NKIRAS1: variants seen among roughly 807,000 people sequenced by gnomAD.
NKIRAS1 encodes NF-kappa-B inhibitor-interacting Ras-like protein 1.
In NKIRAS1, 16 loss-of-function variants were observed where a neutral mutation model predicts 19.8. The ratio of observed to expected loss-of-function variants is 0.81; its 90% confidence interval spans 0.55 to 1.23. The LOEUF is 1.23. NKIRAS1 is among the 50% of genes most tolerant of loss of function. The pLI, the probability that NKIRAS1 is intolerant of heterozygous loss-of-function variation, is 0.00. For synonymous variants in NKIRAS1, 88 were observed against 79.0 expected (o/e 1.11, Z -0.61); for missense variants, 184 against 220.0 (o/e 0.84, Z 1.04).
chr3:23,933,489 C>T (rs1705347623), intron 1 of NKIRAS1, among the ~76,000 whole-genome samples: 1 of 152,214 alleles, frequency 6.6e-6, no homozygotes. Flanking sequence ...TACTACAATG[C>T]ACAGACAGCA....
At chr3:23,915,082 C>T (rs543656454) in intron 1 of NKIRAS1, among the ~76,000 whole-genome samples, 1 of 152,286 alleles carries the variant, frequency 6.6e-6, no homozygotes, top group South Asian at 2.1e-4. Context: ...TTTACATACT[C>T]ATACAAGAAT....
intron 1 of NKIRAS1, among the ~76,000 whole-genome samples, chr3:23,934,896 G>C (rs969535417): frequency 3.3e-5 from 5 of 150,610 alleles, no homozygotes; most frequent in Admixed American, 3.3e-4. Context: ...TTAATCTATA[G>C]AAGATTGCTT....
rs143225070 is a variant in NKIRAS1 at position 23,890,452 on chromosome 3, T to C, written c.*2643A>G. The C allele has an allele frequency of 4.4e-4, 686 of 1,562,916 alleles. 1 individual carries two copies. The African/African-American group carries it at 8.5e-3, about 19-fold the overall frequency. On this transcript the variant is annotated 3_prime_UTR_variant, in exon 5 of 5. Transcript: ENST00000425478. ...ATCTACCCAAGCTGTCACTATTCGC[T>C]AAAGTTTAAAATGTTCTTTTCCTTT...
intron 3 of NKIRAS1, among the ~76,000 whole-genome samples, chr3:23,907,155 A>G (rs553879822): frequency 6.6e-6 from 1 of 152,234 alleles, no homozygotes; most frequent in Non-Finnish European, 1.5e-5. Context: ...CGGCCTCCCA[A>G]AGTGCTGGGA....
At position 23,890,376 on chromosome 3, in the gene NKIRAS1, G is replaced by C. The variant is rs1701367386; in HGVS notation, c.*2719C>G. 1.4e-6 allele frequency: 1 copy of C among 691,818 alleles called. No individual in the cohort carries two copies. Among genetic ancestry groups the C allele is most frequent in the African/African-American group, 1.8e-5 (1 of 54,274 alleles). The allele number at this position is 691,818 out of a possible 1,614,324, so 42.9% of individuals were successfully genotyped here. ...TTTTGATGGAAAAATATCCAGCATG[G>C]TGGAGTGGTGTTTCGAAGATGGGTT... On this transcript the variant is annotated 3_prime_UTR_variant, in exon 5 of 5. Transcript: ENST00000425478.
chr3:23,893,950 C>G (rs1389102026), intron 4 of NKIRAS1, among the ~76,000 whole-genome samples: 2 of 147,604 alleles, frequency 1.4e-5, no homozygotes, highest in Non-Finnish European at 3.0e-5. Flanking sequence ...TTCAGTTTGG[C>G]TACACTTGAT....
intron 3 of NKIRAS1, among the ~76,000 whole-genome samples, chr3:23,906,809 T>TC (rs1703110704): frequency 6.6e-6 from 1 of 152,176 alleles, no homozygotes; most frequent in South Asian, 2.1e-4. Flanking sequence ...TGGCTATTTT[T>TC]CACTTACATT....
chr3:23,933,612 G>T (rs1705350078), intron 1 of NKIRAS1, among the ~76,000 whole-genome samples: 1 of 152,180 alleles, frequency 6.6e-6, no homozygotes, highest in African/African-American at 2.4e-5. Context: ...TACATGCAAA[G>T]AATTCCTGTG....
At chr3:23,918,652 G>T, upstream of NKIRAS1, 3 of 1,528,940 alleles carry the variant, frequency 2.0e-6, no homozygotes, top group Non-Finnish European at 2.7e-6. Flanking sequence ...CAACTTTTCT[G>T]ATTGTACTTA....
At chr3:23,897,656 T>C (rs901482369) in intron 4 of NKIRAS1, among the ~76,000 whole-genome samples, 28 of 152,152 alleles carry the variant, frequency 1.8e-4, no homozygotes, top group South Asian at 4.1e-4. Context: ...AGCTATTCCC[T>C]CCACCTGGAG....
Position 23,892,052 on chromosome 3 carries a change from A to G in NKIRAS1, c.*1043T>C, listed in dbSNP as rs1348874817. 2 of 152,250 alleles carry G rather than the reference A, an allele frequency of 1.3e-5. No individual in the cohort carries two copies. Among genetic ancestry groups the G allele is most frequent in the Non-Finnish European group, 2.9e-5 (2 of 68,042 alleles). 9.4% of individuals were successfully genotyped at this position (152,250 alleles called of 1,614,324 possible). A position where few individuals can be genotyped will look rare whatever the true frequency, so the allele number is the denominator to read the frequency against. On this transcript the variant is annotated 3_prime_UTR_variant, in exon 5 of 5. Coordinates refer to ENST00000425478, the MANE Select transcript of NKIRAS1 (RefSeq NM_020345.4). The stretch of plus-strand genomic sequence containing the variant: ...GTTCTTCACTAGAGCTCATGAAAAA[A>G]GTATTCCATTTAAGATGTTACAAAT...
In NKIRAS1 at chr3:23,904,035, C is replaced by T. The variant is rs72627073; in HGVS notation, c.95-2986G>A. On this transcript the variant is annotated intron_variant, in intron 3 of 4. Transcript: ENST00000425478. ...CAAAAATTAGCTGGGCACGGTGGTG[C>T]GCACCTGTAATTGCAGCTACTTGGG... Among the ~76,000 whole-genome samples, 905 of 152,088 alleles carry T rather than the reference C, an allele frequency of 6.0e-3. 17 individuals carry two copies. Among genetic ancestry groups the T allele is most frequent in the East Asian group, 0.049 (255 of 5,168 alleles).
chr3:23,941,986 TATTTA>T (rs150232019), intron 1 of NKIRAS1, among the ~76,000 whole-genome samples: 1,489 of 90,760 alleles, frequency 0.016, 29 homozygotes, highest in African/African-American at 0.046. Context: ...TTTATTTATT[TATTTA>T]TTTTTGAGAC....
At position 23,926,632 on chromosome 3, in the gene NKIRAS1, A is replaced by T. The variant is rs571172422; in HGVS notation, c.-139-15182T>A. ...TAGTATTTGTTGCTATAGATATTTT[A>T]ATTGTATAATTACCACTTCCTTTGT... On this transcript the variant is annotated intron_variant, in intron 1 of 4. Transcript: ENST00000421515. The surrounding 1 kb of genome is among the most constrained non-coding windows in gnomAD (Gnocchi z 4.3). 3.3e-5 allele frequency among the ~76,000 whole-genome samples: 5 copies of T among 152,182 alleles called. No homozygotes were observed. Among genetic ancestry groups the T allele is most frequent in the East Asian group, 3.9e-4 (2 of 5,188 alleles).
rs139269328 is a variant in NKIRAS1 at position 23,907,033 on chromosome 3, A to G, written c.94+3778T>C. On this transcript the variant is annotated intron_variant, in intron 3 of 4. Transcript: ENST00000425478. ...CTCAGCCTCCTAGATAGCTGAGATT[A>G]CAGGCACGTGCCACCATGCCCAGCT... is the stretch of plus-strand genomic sequence containing the variant. Among the ~76,000 whole-genome samples the G allele has an allele frequency of 5.7e-3, 865 of 152,092 alleles. 5 individuals are homozygous for G. Among genetic ancestry groups the G allele is most frequent in the Non-Finnish European group, 9.6e-3 (654 of 67,978 alleles).
At chr3:23,937,374 C>T (rs954349551) in intron 1 of NKIRAS1, among the ~76,000 whole-genome samples, 1 of 151,910 alleles carries the variant, frequency 6.6e-6, no homozygotes, top group African/African-American at 2.4e-5. Flanking sequence ...GAAAAGAAAA[C>T]TTAAGAGAAT....
upstream of NKIRAS1, chr3:23,917,824 A>G (rs1021756229): frequency 3.8e-6 from 6 of 1,591,676 alleles, no homozygotes; most frequent in Middle Eastern, 2.2e-4. Context: ...AGCGGATGAT[A>G]TTTAATACAC....
chr3:23,893,068 A>T lies in NKIRAS1; in HGVS notation c.*27T>A. 1 of 1,532,692 alleles carries T rather than the reference A, an allele frequency of 6.5e-7. No homozygotes were observed. The highest frequency in any genetic ancestry group is 1.3e-5 in the South Asian group (1 of 75,512). The allele number at this position is 1,532,692 out of a possible 1,614,324, so 94.9% of individuals were successfully genotyped here. A position where few individuals can be genotyped will look rare whatever the true frequency, so the allele number is the denominator to read the frequency against. ...GACACTTAAAGGCAATCACTATTCA[A>T]CATACAATTGTGGAAATTACTGATT... On this transcript the variant is annotated 3_prime_UTR_variant, in exon 5 of 5. Coordinates refer to ENST00000425478, the MANE Select transcript of NKIRAS1 (RefSeq NM_020345.4).
At chr3:23,940,259 A>G (rs1705470480) in intron 1 of NKIRAS1, among the ~76,000 whole-genome samples, 1 of 151,802 alleles carries the variant, frequency 6.6e-6, no homozygotes, top group Non-Finnish European at 1.5e-5. Flanking sequence ...AGGTGGGAGC[A>G]TCTCGAGCCC....
Sources: allele counts gnomAD v4.1 joint callset (sites outside exome capture counted in the v4.1 genomes callset), GRCh38; gene constraint gnomAD v4.1.1; non-coding constraint Gnocchi (gnomAD v3.1); transcripts MANE v1.5; gene names NCBI Gene and HGNC (gene_info 2026-07-23, HGNC 2026-07-21).